NTRK2: variants seen among roughly 807,000 people sequenced by gnomAD.
The protein encoded by NTRK2 is neurotrophic receptor tyrosine kinase 2, also known as BDNF/NT-3 growth factors receptor.
Under a neutral mutation model 94.5 loss-of-function variants are expected in NTRK2, and 13 were observed. The observed-to-expected ratio is 0.14, with a 90% CI of 0.09 to 0.22. NTRK2 has a LOEUF of 0.22. Ranked by LOEUF, NTRK2 falls within the 10% of genes least tolerant of loss-of-function variation. NTRK2 has a pLI of 1.00. For missense variants in NTRK2, 639 were observed against 1,071.2 expected (o/e 0.60, Z 5.63); for synonymous variants, 372 against 407.4 (o/e 0.91, Z 1.05).
intron 2 of NTRK2, among the ~76,000 whole-genome samples, chr9:84,694,298 C>T (rs186127337): frequency 5.9e-5 from 9 of 152,194 alleles, no homozygotes; most frequent in Admixed American, 5.9e-4. Flanking sequence ...GGAGACAGTC[C>T]CTGGGTAGCC....
chr9:84,859,383 T>G (rs2075224293), intron 12 of NTRK2, among the ~76,000 whole-genome samples: 1 of 152,234 alleles, frequency 6.6e-6, no homozygotes, highest in African/African-American at 2.4e-5. Flanking sequence ...GGCATAGTGT[T>G]GTAGCAATTT....
At chr9:84,873,738 T>A (rs199916902) in intron 14 of NTRK2, 8 of 1,056,774 alleles carry the variant, frequency 7.6e-6, no homozygotes, top group Non-Finnish European at 9.2e-6. Flanking sequence ...TGAAGTAAAA[T>A]CATGTTTTTA....
intron 12 of NTRK2, among the ~76,000 whole-genome samples, chr9:84,836,230 C>CA (rs1564369728): frequency 1.3e-5 from 2 of 152,080 alleles, no homozygotes; most frequent in East Asian, 1.9e-4. Context: ...TGATATGGGG[C>CA]AAAAAAATCA....
intron 14 of NTRK2, among the ~76,000 whole-genome samples, chr9:84,904,777 A>G (rs1424463054): frequency 7.2e-5 from 11 of 152,194 alleles, no homozygotes; most frequent in Non-Finnish European, 1.6e-4. Flanking sequence ...AGTCTGTTTT[A>G]CTCAAAGTCC....
At position 84,893,101 on chromosome 9, in the gene NTRK2, CT is replaced by C. The variant is rs1221553296; in HGVS notation, c.1633+25671del. Among the ~76,000 whole-genome samples the C allele has an allele frequency of 7.9e-5, 12 of 152,126 alleles. No individual in the cohort carries two copies. The South Asian group carries it at 1.0e-3, about 13-fold the overall frequency. On this transcript the variant is annotated intron_variant, in intron 14 of 18. Transcript: ENST00000277120. Reference sequence around the variant, plus strand: ...CTATGAGCTTGGTGAATACATGTTCCTGTGTAACCATAACCCCTGTCAAGAT... The same window carrying C: ...CTATGAGCTTGGTGAATACATGTTCCGTGTAACCATAACCCCTGTCAAGAT...
intron 15 of NTRK2, among the ~76,000 whole-genome samples, chr9:84,940,085 C>T (rs1299103590): frequency 6.6e-6 from 1 of 152,130 alleles, no homozygotes; most frequent in Non-Finnish European, 1.5e-5. Flanking sequence ...TCTGATTATC[C>T]AGGCCTGGGT....
intron 12 of NTRK2, among the ~76,000 whole-genome samples, chr9:84,763,439 A>C (rs2065767394): frequency 6.6e-6 from 1 of 151,590 alleles, no homozygotes; most frequent in South Asian, 2.1e-4. Context: ...CATACTTTTC[A>C]TCATATATGT....
chr9:84,718,080 T>G (rs778984776), intron 6 of NTRK2, among the ~76,000 whole-genome samples: 7 of 152,090 alleles, frequency 4.6e-5, no homozygotes, highest in Non-Finnish European at 1.0e-4. Flanking sequence ...TCTTCCTTTT[T>G]TTTTGTAATC....
chr9:84,674,560 G>A (rs182275532), intron 2 of NTRK2, among the ~76,000 whole-genome samples: 2 of 152,140 alleles, frequency 1.3e-5, no homozygotes, highest in African/African-American at 4.8e-5. Context: ...CCCTCCATTG[G>A]GGGTTTTAGA....
intron 13 of NTRK2, among the ~76,000 whole-genome samples, chr9:84,861,662 T>G (rs1437485812): frequency 7.2e-5 from 11 of 152,204 alleles, no homozygotes; most frequent in African/African-American, 1.2e-4. Flanking sequence ...ATGATGTAGC[T>G]CCTCATTAGA....
intron 12 of NTRK2, among the ~76,000 whole-genome samples, chr9:84,790,335 T>C (rs574569597): frequency 6.6e-6 from 1 of 152,190 alleles, no homozygotes; most frequent in Non-Finnish European, 1.5e-5. Context: ...TGTGGATGAA[T>C]TTTTGTCTGG....
At chr9:84,682,141 G>A (rs542513768) in intron 2 of NTRK2, among the ~76,000 whole-genome samples, 1 of 152,238 alleles carries the variant, frequency 6.6e-6, no homozygotes, top group Admixed American at 6.5e-5. Flanking sequence ...TCCCCTGGAT[G>A]GACACTCCTT....
intron 5 of NTRK2, among the ~76,000 whole-genome samples, chr9:84,710,288 CT>C (rs1434276915): frequency 6.6e-6 from 1 of 152,184 alleles, no homozygotes; most frequent in Non-Finnish European, 1.5e-5. Context: ...TGTTGGCATC[CT>C]TTTAATAACT....
chr9:84,939,278 C>T (rs144172895), intron 15 of NTRK2, among the ~76,000 whole-genome samples: 141 of 152,090 alleles, frequency 9.3e-4, no homozygotes, highest in African/African-American at 3.3e-3. Context: ...TATTCTTTAG[C>T]TTAACTCCAC....
chr9:84,875,947 A>C, intron 14 of NTRK2: 1 of 1,038,410 alleles, frequency 9.6e-7, no homozygotes. Flanking sequence ...GTAAGAGATT[A>C]GATATGTGTG....
At chr9:84,848,678 T>C (rs1250445039) in intron 12 of NTRK2, among the ~76,000 whole-genome samples, 1 of 152,214 alleles carries the variant, frequency 6.6e-6, no homozygotes, top group Non-Finnish European at 1.5e-5. Context: ...TTTTGAATTA[T>C]GGTGATGTGG....
intron 14 of NTRK2, chr9:84,876,159 T>A (rs201566608): frequency 3.1e-5 from 32 of 1,040,676 alleles, no homozygotes; most frequent in Non-Finnish European, 3.6e-5. Context: ...CCTCATTAGA[T>A]AATAATGGCA....
intron 9 of NTRK2, among the ~76,000 whole-genome samples, chr9:84,736,193 A>G (rs370385909): frequency 6.6e-6 from 1 of 152,300 alleles, no homozygotes; most frequent in Non-Finnish European, 1.5e-5. Flanking sequence ...GAGTGTCTGT[A>G]TGGCCCACTC....
intron 10 of NTRK2, among the ~76,000 whole-genome samples, chr9:84,742,387 C>G (rs2063713053): frequency 6.6e-6 from 1 of 152,222 alleles, no homozygotes; most frequent in South Asian, 2.1e-4. Context: ...TCCACTATGT[C>G]ATCTGGGACC....
Sources: gnomAD v4.1 joint callset for allele counts (sites outside exome capture counted in the v4.1 genomes callset) on GRCh38, gnomAD v4.1.1 for gene constraint, MANE v1.5 for transcripts, NCBI Gene and HGNC (gene_info 2026-07-23, HGNC 2026-07-21) for gene names.